The following POLR1C variants were observed in gnomAD, a reference collection of about 807,000 sequenced individuals.
The protein encoded by POLR1C is DNA-directed RNA polymerases I and III subunit RPAC1.
A neutral mutation model predicts 38.3 loss-of-function variants in POLR1C; 42 were observed. The observed-to-expected ratio is 1.10, with a 90% CI of 0.86 to 1.42. The LOEUF is 1.42. POLR1C is among the 40% of genes most tolerant of loss of function. The probability of loss-of-function intolerance (pLI) is 0.00; values close to 1 mark genes in which losing one functional copy is unlikely to be tolerated. For synonymous variants in POLR1C, 163 were observed against 163.9 expected, an observed-to-expected ratio of 0.99 and a Z score of 0.04; for missense variants, 507 against 450.5, an observed-to-expected ratio of 1.13 and a Z score of -1.14.
At chr6:43,534,769 T>A (rs1328499043) in intron 9 of POLR1C, among the ~76,000 whole-genome samples, 1 of 151,870 alleles carries the variant, frequency 6.6e-6, no homozygotes, top group Non-Finnish European at 1.5e-5. Context: ...AGGCCGAGGC[T>A]GGCGAATTAC....
chr6:43,519,535 CTTAA>C (rs1582180879), intron 3 of POLR1C, 95 bp downstream of exon 3: 1 of 1,380,392 alleles, frequency 7.2e-7, no homozygotes, highest in Non-Finnish European at 1.0e-6. Context: ...TCCTTCCCTC[CTTAA>C]TTTTCCTGGA....
In POLR1C at chr6:43,521,293, TG is replaced by T. The variant is rs1793173758; in HGVS notation, c.1036del (p.Asp346ThrfsTer7). ...TTGGATGAACTAGATGCGGTTCAGA[TG>T]GACTGAGCTTGGATGCTTCTGAGGC... ...RFLDELDAVQ[M>X]D On this transcript the variant is annotated frameshift_variant, in exon 9 of 9. Coordinates refer to ENST00000642195, the MANE Select transcript of POLR1C (RefSeq NM_203290.4). LOFTEE classifies it high-confidence loss of function. 3 of 1,612,292 alleles carry T rather than the reference TG, an allele frequency of 1.9e-6. No individual in the cohort carries two copies. In the East Asian group the frequency reaches 6.7e-5, roughly 36 times the overall value.
chr6:43,519,850 A>C lies in POLR1C; in HGVS notation c.382+12A>C, dbSNP rs1181215341. 3 of 1,612,796 alleles carry C rather than the reference A, an allele frequency of 1.9e-6. No individual in the cohort carries two copies. In the South Asian group the frequency reaches 3.3e-5, roughly 18 times the overall value. On this transcript the variant is annotated intron_variant, in intron 4 of 8. Coordinates refer to ENST00000642195, the MANE Select transcript of POLR1C (RefSeq NM_203290.4). ...GTATCGGAACCAAGGTGAGAAAATG[A>C]AATTTTGGGAGAAGTGGACTATCTG...
chr6:43,561,215 T>G (rs1291852540), intron 10 of POLR1C, among the ~76,000 whole-genome samples: 1 of 152,150 alleles, frequency 6.6e-6, no homozygotes, highest in Non-Finnish European at 1.5e-5. Flanking sequence ...TTACTTTGCC[T>G]ACTCAATCAT....
In POLR1C at chr6:43,521,250, G is replaced by A. The variant is rs1477625391; in HGVS notation, c.991G>A (p.Gly331Arg). Residue 331 changes from glycine (G) to arginine (R), a missense_variant, in exon 9 of 9, where the codon GGG becomes AGG. Transcript: ENST00000642195. ...GAGTGAAGCCATCAAAGTACTGATG[G>A]GGAAGTGCCGGCGCTTCTTGGATGA... ...LVSEAIKVLM[G>R]KCRRFLDELD... The A allele has an allele frequency of 5.0e-6, 8 of 1,613,178 alleles. No homozygotes were observed. The highest frequency in any genetic ancestry group is 6.8e-6 in the Non-Finnish European group (8 of 1,180,028).
At chr6:43,522,737 A>G (rs1415933795), downstream of POLR1C, 1 of 499,184 alleles carries the variant, frequency 2.0e-6, no homozygotes, top group Admixed American at 2.0e-5. Context: ...TGGATGGACA[A>G]CAGGTCTGTT....
At position 43,517,328 on chromosome 6, in the gene POLR1C, G is replaced by T; in HGVS notation, c.92G>T (p.Gly31Val). Residue 31 changes from glycine (G) to valine (V), a missense_variant, in exon 2 of 9, where the codon GGT (glycine) becomes GTT (valine). Physicochemically the swap from Gly to Val is moderately radical, Grantham distance 109. Coordinates refer to ENST00000642195, the MANE Select transcript of POLR1C (RefSeq NM_203290.4). ...TAGGTCCATACTACTGACTTTCCCG[G>T]TAACTATTCCGGTTATGATGATGCC... ...VRNVHTTDFPGNYSGYDDAWD... is the reference protein window; with the variant it reads ...VRNVHTTDFPVNYSGYDDAWD... 1.1e-5 allele frequency: 18 copies of T among 1,614,168 alleles called. No individual in the cohort carries two copies. Among genetic ancestry groups the T allele is most frequent in the Non-Finnish European group, 1.5e-5 (18 of 1,180,036 alleles).
chr6:43,521,899 G>A (rs937527875), downstream of POLR1C, among the ~76,000 whole-genome samples: 5 of 152,128 alleles, frequency 3.3e-5, no homozygotes, highest in Admixed American at 6.6e-5. Flanking sequence ...ACTCCAGCCC[G>A]GGTAACAGTG....
intron 10 of POLR1C, chr6:43,560,384 AT>A (rs1223556285): frequency 6.9e-7 from 1 of 1,448,578 alleles, no homozygotes; most frequent in Admixed American, 2.6e-5. Flanking sequence ...TATCAACTAC[AT>A]TTTTTCATAG....
At chr6:43,555,663 C>T (rs1762041053) in intron 10 of POLR1C, 1 of 652,424 alleles carries the variant, frequency 1.5e-6, no homozygotes, top group African/African-American at 1.8e-5. Context: ...AATGTGTCAT[C>T]TGCTTTCTTT....
At chr6:43,517,463 C>A in intron 2 of POLR1C, 86 bp downstream of exon 2, 2 of 1,151,170 alleles carry the variant, frequency 1.7e-6, no homozygotes, top group South Asian at 1.2e-5. Context: ...AGAAGCTGCT[C>A]TTGGGGGTCG....
rs1244613535 is a variant in POLR1C, at chr6:43,521,228, T to C, written c.969T>C (p.Ser323=). 2 of 1,613,696 alleles carry C rather than the reference T, an allele frequency of 1.2e-6. No homozygotes were observed. Among genetic ancestry groups the C allele is most frequent in the East Asian group, 2.2e-5 (1 of 44,890 alleles). The change falls in exon 9 of 9, where the codon AGT becomes AGC. Residue 323 remains serine, a synonymous_variant. Transcript: ENST00000642195. ...TGVLPPDVLV[S]EAIKVLMGKC... is the part of the protein sequence containing the mutation. ...TGTTGCCACCAGATGTGCTGGTGAG[T>C]GAAGCCATCAAAGTACTGATGGGGA... is the stretch of plus-strand genomic sequence containing the variant.
chr6:43,526,880 C>A (rs1033015441), intron 8 of POLR1C: 3 of 833,162 alleles, frequency 3.6e-6, no homozygotes, highest in Non-Finnish European at 5.9e-6. Flanking sequence ...GTCCAAGGCA[C>A]AAGAATTAGC....
chr6:43,519,978 T>C, intron 4 of POLR1C, 88 bp from the exon 5 acceptor site: 1 of 1,569,508 alleles, frequency 6.4e-7, no homozygotes, highest in Admixed American at 1.9e-5. Context: ...AAGTTTGCCA[T>C]AATTAAATGG....
chr6:43,527,111 A>G (rs1024782194), intron 8 of POLR1C: 1 of 238,938 alleles, frequency 4.2e-6, no homozygotes, highest in Admixed American at 4.9e-5. Context: ...ACATTTCCCT[A>G]TTTTGACAAA....
chr6:43,520,836 GAAATAAA>G, intron 7 of POLR1C, 62 bp downstream of exon 7: 1 of 1,606,942 alleles, frequency 6.2e-7, no homozygotes, highest in Non-Finnish European at 8.5e-7. Context: ...CAAGGTGACA[GAAATAAA>G]AACCCTGGGC....
At chr6:43,539,168 G>A (rs1794536024) in intron 9 of POLR1C, 2 of 1,106,698 alleles carry the variant, frequency 1.8e-6, no homozygotes, top group South Asian at 1.3e-5. Flanking sequence ...GCAGGGGACG[G>A]TGTGGGGCTT....
intron 9 of POLR1C, chr6:43,539,257 G>A (rs1213219914): frequency 1.3e-5 from 19 of 1,421,362 alleles, no homozygotes; most frequent in Admixed American, 5.2e-5. Context: ...CACGGGTGGC[G>A]GTGGCCACCT....
downstream of POLR1C, among the ~76,000 whole-genome samples, chr6:43,530,057 C>A (rs1360353587): frequency 6.6e-6 from 1 of 152,076 alleles, no homozygotes; most frequent in African/African-American, 2.4e-5. Flanking sequence ...GAGTTTGAGA[C>A]CAGCCTGGCC....
Sources: gnomAD v4.1 joint callset for allele counts (sites outside exome capture counted in the v4.1 genomes callset) on GRCh38, gnomAD v4.1.1 for gene constraint, MANE v1.5 for transcripts, NCBI Gene and HGNC (gene_info 2026-07-23, HGNC 2026-07-21) for gene names.